TMC3: variants seen among roughly 807,000 people sequenced by gnomAD.
The protein encoded by TMC3 is transmembrane channel-like protein 3.
Under a neutral mutation model 110.6 loss-of-function variants are expected in TMC3, and 98 were observed. The observed-to-expected ratio is 0.89, with a 90% CI of 0.75 to 1.05. The LOEUF is 1.05. Among genes scored for constraint, TMC3 ranks in the 50% least tolerant of loss-of-function variants. The pLI is 0.00. For missense variants in TMC3, 1,319 were observed against 1,373.2 expected (o/e 0.96, Z 0.62); for synonymous variants, 489 against 513.1 (o/e 0.95, Z 0.63).
chr15:81,365,670 C>CAAAAAAAAAA (rs398043535), intron 3 of TMC3, among the ~76,000 whole-genome samples: 1 of 82,188 alleles, frequency 1.2e-5, no homozygotes, highest in Non-Finnish European at 2.6e-5. Context: ...GACTCTGTCT[C>CAAAAAAAAAA]AAAAAAAAAA....
Position 81,344,714 on chromosome 15 carries a change from G to C in TMC3, c.1518+52C>G, listed in dbSNP as rs1342557778. ...AGTGACAGCTCAGAGAGTTGCTGGG[G>C]TTAAGTGATGAGATGGATATGACAG... On this transcript the variant is annotated intron_variant, in intron 13 of 21. Coordinates refer to ENST00000359440, the MANE Select transcript of TMC3 (RefSeq NM_001080532.3). The C allele has an allele frequency of 2.6e-6, 4 of 1,563,798 alleles. No homozygotes were observed. In the Admixed American group the frequency reaches 5.1e-5, roughly 20 times the overall value.
intron 15 of TMC3, chr15:81,343,050 C>T (rs567462415): frequency 8.3e-5 from 38 of 460,468 alleles, no homozygotes; most frequent in Middle Eastern, 1.2e-3. Flanking sequence ...TTTTCGGCTG[C>T]GACCAATAGT....
At chr15:81,341,296 G>A (rs1464591952) in intron 16 of TMC3, 94 bp downstream of exon 16, 3 of 1,345,354 alleles carry the variant, frequency 2.2e-6, no homozygotes, top group Middle Eastern at 5.4e-4. Context: ...AGAGTTGGGG[G>A]GACCCTTTGC....
chr15:81,351,778 G>A lies in TMC3; in HGVS notation c.999C>T (p.Ser333=), dbSNP rs1428394398. The change falls in exon 10 of 22, where the codon AGC becomes AGT. Residue 333 remains serine, a synonymous_variant. Coordinates refer to ENST00000359440, the MANE Select transcript of TMC3 (RefSeq NM_001080532.3). ...CCACCACAAAGTAGATGAGATAAAT[G>A]CTCCCAGCCAGTGAGAGAAGCACCA... The part of the protein sequence containing the change: ...NILVLLSLAG[S]IYLIYFVVDR... 1.2e-6 allele frequency: 2 copies of A among 1,607,288 alleles called. No individual in the cohort carries two copies. The highest frequency in any genetic ancestry group is 4.5e-5 in the East Asian group (2 of 44,554).
chr15:81,349,185 C>G (rs1156542208), intron 11 of TMC3, among the ~76,000 whole-genome samples: 4 of 151,774 alleles, frequency 2.6e-5, no homozygotes, highest in African/African-American at 9.7e-5. Context: ...ATTCCTTTCC[C>G]TTCTCCTCCT....
intron 9 of TMC3, among the ~76,000 whole-genome samples, chr15:81,353,227 G>A (rs964192117): frequency 2.0e-5 from 3 of 149,194 alleles, no homozygotes; most frequent in African/African-American, 7.7e-5. Context: ...GCTGTACAAT[G>A]TGATTGTGTT....
chr15:81,337,648 C>T (rs1893626123), intron 19 of TMC3, 198 bp downstream of exon 19: 3 of 625,964 alleles, frequency 4.8e-6, no homozygotes, highest in Non-Finnish European at 8.6e-6. Flanking sequence ...AGGCTTCCTC[C>T]TAGCAAAGGG....
rs755795961 is a variant in TMC3 at position 81,359,321 on chromosome 15, T to C, written c.501+44A>G. ...GAGCCATTTTATGCGACTGCTGTAA[T>C]GTCTCCTCTTTGTAATGAGTGGTAC... On this transcript the variant is annotated intron_variant, in intron 5 of 21. Coordinates refer to ENST00000359440, the MANE Select transcript of TMC3 (RefSeq NM_001080532.3). 8 of 1,385,538 alleles carry C rather than the reference T, an allele frequency of 5.8e-6. No homozygotes were observed. The African/African-American group carries it at 8.7e-5, about 15-fold the overall frequency. The allele number at this position is 1,385,538 out of a possible 1,614,324, so 85.8% of individuals were successfully genotyped here.
rs781031110 is a variant in TMC3, at chr15:81,358,432, G to C, written c.570C>G (p.Ala190=). 2.6e-5 allele frequency: 42 copies of C among 1,613,764 alleles called. No individual in the cohort carries two copies. In the Admixed American group the frequency reaches 6.8e-4, roughly 26 times the overall value. Residue 190 remains alanine (A), a synonymous_variant, in exon 6 of 22, where the codon GCC becomes GCG. Transcript: ENST00000359440. ...GAGACCAGACGGTGTCCAGGTCTTGGGCAGACGAAACCTGCTCCTTGGGGA... is the reference window on the plus strand; with the variant it reads ...GAGACCAGACGGTGTCCAGGTCTTGCGCAGACGAAACCTGCTCCTTGGGGA... The part of the protein sequence containing the change: ...KTIPKEQVSS[A]QDLDTVWSLG...
At chr15:81,343,491 T>C (rs1753104843) in intron 14 of TMC3, 146 bp from the exon 15 acceptor site, 8 of 631,290 alleles carry the variant, frequency 1.3e-5, no homozygotes, top group Admixed American at 7.7e-5. Flanking sequence ...AAATGGTAAA[T>C]GTTAAGAAAG....
intron 3 of TMC3, among the ~76,000 whole-genome samples, chr15:81,363,537 C>A (rs543838844): frequency 6.6e-6 from 1 of 152,168 alleles, no homozygotes; most frequent in Non-Finnish European, 1.5e-5. Flanking sequence ...GACGTGTCTG[C>A]TGAGGCCAGA....
chr15:81,345,883 G>GA (rs577070071), intron 12 of TMC3, among the ~76,000 whole-genome samples: 104 of 139,384 alleles, frequency 7.5e-4, no homozygotes, highest in African/African-American at 1.8e-3. Flanking sequence ...TCTCAAAAAA[G>GA]AAAAAAAAAA....
chr15:81,334,822 GTC>G lies in TMC3; in HGVS notation c.2355_2356del (p.Glu785AspfsTer18). ...GCTCTGGGGCATGGACTGTGCGACTGTCTCTATCCTGCCACTCTTGCTGCTCC... is the reference window on the plus strand; with the variant it reads ...GCTCTGGGGCATGGACTGTGCGACTGTCTATCCTGCCACTCTTGCTGCTCC... On this transcript the variant is annotated frameshift_variant, in exon 21 of 22. Coordinates refer to ENST00000359440, the MANE Select transcript of TMC3 (RefSeq NM_001080532.3). LOFTEE classifies it high-confidence loss of function. 1.2e-6 allele frequency: 2 copies of G among 1,614,050 alleles called. No homozygotes were observed. Among genetic ancestry groups the G allele is most frequent in the Non-Finnish European group, 1.7e-6 (2 of 1,179,904 alleles).
intron 7 of TMC3, 86 bp downstream of exon 7, chr15:81,358,063 A>C: frequency 7.1e-7 from 1 of 1,412,588 alleles, no homozygotes; most frequent in East Asian, 2.5e-5. Context: ...ATACTTTTTT[A>C]AAAGAATGAT....
At chr15:81,340,849 C>T (rs1893699085) in intron 16 of TMC3, among the ~76,000 whole-genome samples, 1 of 152,092 alleles carries the variant, frequency 6.6e-6, no homozygotes, top group African/African-American at 2.4e-5. Context: ...TCAACAGGAG[C>T]CAGGATAAAG....
chr15:81,341,571 C>T, intron 15 of TMC3, 53 bp from the exon 16 acceptor site: 1 of 1,570,582 alleles, frequency 6.4e-7, no homozygotes, highest in Non-Finnish European at 8.7e-7. Context: ...GCCTATCTCC[C>T]AGGACTATGG....
rs1472153389 is a variant in TMC3 at position 81,339,461 on chromosome 15, G to A, written c.1888C>T (p.Leu630=). The A allele has an allele frequency of 1.9e-6, 3 of 1,609,692 alleles. No homozygotes were observed. Among genetic ancestry groups the A allele is most frequent in the South Asian group, 2.2e-5 (2 of 89,828 alleles). ...GCAAAAATGGTTGGCAGCATGCACAGAAACAGCATAAACAGGAGCATTGCC... is the reference window on the plus strand; with the variant it reads ...GCAAAAATGGTTGGCAGCATGCACAAAAACAGCATAAACAGGAGCATTGCC... ...YLAMLLFMLF[L]CMLPTIFAIV... is the part of the protein sequence containing the mutation. The change falls in exon 17 of 22, where the codon CTG becomes TTG. Residue 630 remains leucine, a synonymous_variant. Coordinates refer to ENST00000359440, the MANE Select transcript of TMC3 (RefSeq NM_001080532.3).
At chr15:81,370,414 A>G (rs1186764010) in intron 2 of TMC3, among the ~76,000 whole-genome samples, 1 of 152,120 alleles carries the variant, frequency 6.6e-6, no homozygotes, top group African/African-American at 2.4e-5. Flanking sequence ...AGGTGCTCAG[A>G]GGGCCAGCTG....
chr15:81,368,798 G>A (rs576612237), intron 2 of TMC3, among the ~76,000 whole-genome samples: 1 of 152,264 alleles, frequency 6.6e-6, no homozygotes, highest in South Asian at 2.1e-4. Flanking sequence ...AAAAAGTCAT[G>A]TCTACATAGA....
Sources: gnomAD v4.1 joint callset for allele counts (sites outside exome capture counted in the v4.1 genomes callset) on GRCh38, gnomAD v4.1.1 for gene constraint, MANE v1.5 for transcripts, NCBI Gene and HGNC (gene_info 2026-07-23, HGNC 2026-07-21) for gene names.